Variants in WIF1 observed in about 807,000 individuals in gnomAD.
WIF1 encodes the protein Wnt inhibitory factor 1.
Under a neutral mutation model 53.5 loss-of-function variants are expected in WIF1, and 35 were observed. The observed-to-expected ratio is 0.65, with a 90% CI of 0.50 to 0.87. The LOEUF (loss-of-function observed/expected upper bound fraction) is 0.87, where lower values mean the gene tolerates loss of function less well. Among genes scored for constraint, WIF1 ranks in the 40% least tolerant of loss-of-function variants. The pLI is 0.00. For missense variants in WIF1, 467 were observed against 476.8 expected, an observed-to-expected ratio of 0.98 and a Z score of 0.19; for synonymous variants, 171 against 170.4, an observed-to-expected ratio of 1.00 and a Z score of -0.03.
chr12:65,069,456 C>T (rs1882739039), intron 3 of WIF1, among the ~76,000 whole-genome samples: 1 of 152,140 alleles, frequency 6.6e-6, no homozygotes, highest in Non-Finnish European at 1.5e-5. Flanking sequence ...AAAATATCTT[C>T]TTTGAAAATA....
chr12:65,093,249 G>A (rs768931605), intron 2 of WIF1, among the ~76,000 whole-genome samples: 4 of 152,104 alleles, frequency 2.6e-5, no homozygotes, highest in African/African-American at 7.2e-5. Flanking sequence ...AGTAAAGATC[G>A]CTCTGTGTGA....
intron 2 of WIF1, among the ~76,000 whole-genome samples, chr12:65,098,139 T>C (rs1338379311): frequency 3.9e-5 from 6 of 152,206 alleles, no homozygotes; most frequent in Non-Finnish European, 1.5e-5. Flanking sequence ...CACAGACTTT[T>C]AGAAATAGGT....
chr12:65,070,423 A>G (rs1882755630), intron 3 of WIF1, among the ~76,000 whole-genome samples: 1 of 152,216 alleles, frequency 6.6e-6, no homozygotes, highest in Non-Finnish European at 1.5e-5. Context: ...AAAAATGCCA[A>G]TTTACAAAAC....
chr12:65,074,515 GAA>G (rs1207396214), intron 3 of WIF1, among the ~76,000 whole-genome samples: 1 of 151,984 alleles, frequency 6.6e-6, no homozygotes, highest in African/African-American at 2.4e-5. Flanking sequence ...TGATCAAGGA[GAA>G]TTTTATAGAA....
At chr12:65,089,892 C>T (rs992509768) in intron 2 of WIF1, among the ~76,000 whole-genome samples, 3 of 152,132 alleles carry the variant, frequency 2.0e-5, no homozygotes, top group Non-Finnish European at 4.4e-5. Flanking sequence ...AAACTCTCCT[C>T]ATTGGAAGGG....
chr12:65,055,003 G>A, intron 9 of WIF1, 115 bp downstream of exon 9: 2 of 1,046,898 alleles, frequency 1.9e-6, no homozygotes, highest in Non-Finnish European at 2.7e-6. Context: ...TAGGTTGACT[G>A]TTAGCCTTTG....
intron 2 of WIF1, among the ~76,000 whole-genome samples, chr12:65,091,268 A>G (rs1883117408): frequency 6.7e-6 from 1 of 150,044 alleles, no homozygotes; most frequent in East Asian, 1.9e-4. Flanking sequence ...AGAAAGACAT[A>G]GAGAGGAAAT....
intron 2 of WIF1, among the ~76,000 whole-genome samples, chr12:65,116,372 C>A (rs1309931877): frequency 6.6e-6 from 1 of 151,866 alleles, no homozygotes; most frequent in East Asian, 1.9e-4. Flanking sequence ...AACTGTGAAC[C>A]CTGTTGTGAA....
chr12:65,065,245 A>G (rs542130424), intron 6 of WIF1, among the ~76,000 whole-genome samples: 3 of 152,150 alleles, frequency 2.0e-5, no homozygotes, highest in Non-Finnish European at 4.4e-5. Flanking sequence ...CTTAATTCCA[A>G]GTCTAGAGAT....
Position 65,120,565 on chromosome 12 carries a change from T to A in WIF1, c.149-9A>T. ...GATATCTTCTTCAAATCCTGGTTTT[T>A]AAAATAATAAAACGATCAAACCAGG... On this transcript the variant is annotated splice_polypyrimidine_tract_variant and intron_variant, in intron 1 of 9. Transcript: ENST00000286574. 6.2e-7 allele frequency: 1 copy of A among 1,601,774 alleles called. No individual in the cohort carries two copies. Among genetic ancestry groups the A allele is most frequent in the Non-Finnish European group, 8.5e-7 (1 of 1,176,892 alleles).
At chr12:65,067,584 G>A (rs1179371186) in intron 5 of WIF1, 111 bp downstream of exon 5, 14 of 1,172,432 alleles carry the variant, frequency 1.2e-5, no homozygotes, top group Non-Finnish European at 1.7e-5. Flanking sequence ...TTCTGCCCCT[G>A]TGACCAGGAA....
chr12:65,111,318 C>T (rs918690553), intron 2 of WIF1, among the ~76,000 whole-genome samples: 7 of 152,136 alleles, frequency 4.6e-5, no homozygotes, highest in African/African-American at 1.4e-4. Flanking sequence ...CCCCATTTTC[C>T]GCTCCTTTCT....
At chr12:65,076,192 C>G (rs989413667) in intron 3 of WIF1, among the ~76,000 whole-genome samples, 13 of 152,164 alleles carry the variant, frequency 8.5e-5, no homozygotes, top group African/African-American at 2.4e-4. Context: ...TATGTGCCAT[C>G]ACACCTGGCT....
chr12:65,062,706 A>G, intron 6 of WIF1, 130 bp from the exon 7 acceptor site: 4 of 807,766 alleles, frequency 5.0e-6, no homozygotes, highest in Non-Finnish European at 7.8e-6. Context: ...TAATAAAATA[A>G]GCTGCTTTAC....
chr12:65,084,096 A>G (rs1882999045), intron 2 of WIF1, among the ~76,000 whole-genome samples: 1 of 151,998 alleles, frequency 6.6e-6, no homozygotes, highest in African/African-American at 2.4e-5. Flanking sequence ...TCTTACCTCT[A>G]TCTCATGTCC....
chr12:65,091,955 A>G (rs188693337), intron 2 of WIF1, among the ~76,000 whole-genome samples: 1 of 152,326 alleles, frequency 6.6e-6, no homozygotes, highest in African/African-American at 2.4e-5. Context: ...TACTTCTGAT[A>G]TGAGAAAGAG....
Position 65,056,002 on chromosome 12 carries a change from C to G in WIF1, c.922+29G>C, listed in dbSNP as rs1471070471. 51 of 1,600,844 alleles carry G rather than the reference C, an allele frequency of 3.2e-5. No individual in the cohort carries two copies. In the Admixed American group the frequency reaches 8.7e-4, roughly 27 times the overall value. Reference sequence around the variant, plus strand: ...CTGCTAGTTTAACGACCTAGTAGCCCAGATTGGCAATGTGTATGGGGTACT... The same window carrying G: ...CTGCTAGTTTAACGACCTAGTAGCCGAGATTGGCAATGTGTATGGGGTACT... On this transcript the variant is annotated intron_variant, in intron 8 of 9. Coordinates refer to ENST00000286574, the MANE Select transcript of WIF1 (RefSeq NM_007191.5).
intron 8 of WIF1, among the ~76,000 whole-genome samples, chr12:65,055,607 T>TA (rs140453124): frequency 0.03 from 4,436 of 149,772 alleles, 99 homozygotes; most frequent in African/African-American, 0.054. Flanking sequence ...CCATCTCTAC[T>TA]AAAAAAAAAA....
intron 3 of WIF1, among the ~76,000 whole-genome samples, chr12:65,071,941 A>C (rs542801569): frequency 2.6e-5 from 4 of 152,292 alleles, no homozygotes; most frequent in African/African-American, 9.6e-5. Context: ...AAACCATACC[A>C]TTACACTTTC....
Sources: gnomAD v4.1 joint callset for allele counts (sites outside exome capture counted in the v4.1 genomes callset) on GRCh38, gnomAD v4.1.1 for gene constraint, MANE v1.5 for transcripts, NCBI Gene and HGNC (gene_info 2026-07-23, HGNC 2026-07-21) for gene names.